The following MGAT4C variants were observed in gnomAD, a reference collection of about 807,000 sequenced individuals.
MGAT4C encodes MGAT4 family member C.
Under a neutral mutation model 40.1 loss-of-function variants are expected in MGAT4C, and 19 were observed. That is an observed-to-expected ratio of 0.47 (90% CI 0.33 to 0.70). MGAT4C has a LOEUF of 0.70. Ranked by LOEUF, MGAT4C falls within the 30% of genes least tolerant of loss-of-function variation. The pLI, the probability that MGAT4C is intolerant of heterozygous loss-of-function variation, is 0.02. For synonymous variants in MGAT4C, 181 were observed against 187.1 expected, an observed-to-expected ratio of 0.97 and a Z score of 0.27; for missense variants, 491 against 563.2, an observed-to-expected ratio of 0.87 and a Z score of 1.30.
chr12:86,150,790 C>T (rs981908919), intron 1 of MGAT4C, among the ~76,000 whole-genome samples: 4 of 152,114 alleles, frequency 2.6e-5, no homozygotes, highest in Non-Finnish European at 5.9e-5. Flanking sequence ...GTGCAAGGTG[C>T]AAGGAAGGAA....
At chr12:86,829,863 C>G (rs1448936321) in intron 1 of MGAT4C, among the ~76,000 whole-genome samples, 1 of 147,938 alleles carries the variant, frequency 6.8e-6, no homozygotes, top group East Asian at 2.0e-4. Context: ...TTTTTCTTAC[C>G]CAAAGACAGC....
intron 2 of MGAT4C, among the ~76,000 whole-genome samples, chr12:86,457,071 T>G (rs1159212616): frequency 6.6e-6 from 1 of 152,164 alleles, no homozygotes; most frequent in African/African-American, 2.4e-5. Flanking sequence ...ATGACAGTTA[T>G]CCAGTTGAGA....
At position 86,620,793 on chromosome 12, in the gene MGAT4C, T is replaced by C. The variant is rs563289899; in HGVS notation, c.-229+106416A>G. Among the ~76,000 whole-genome samples the C allele has an allele frequency of 5.3e-5, 8 of 152,240 alleles. No homozygotes were observed. The South Asian group carries it at 1.7e-3, about 32-fold the overall frequency. On this transcript the variant is annotated intron_variant, in intron 2 of 7. Transcript: ENST00000548651. ...TGGAGGCAGATTTTTCCCTTATTCT[T>C]CTTGTGGTAATGAATGAGTTCTCAT...
intron 1 of MGAT4C, among the ~76,000 whole-genome samples, chr12:86,190,873 T>C (rs1258499687): frequency 6.6e-6 from 1 of 151,976 alleles, no homozygotes; most frequent in East Asian, 1.9e-4. Flanking sequence ...CAGTCAAATG[T>C]TTTAAAAGCA....
intron 1 of MGAT4C, among the ~76,000 whole-genome samples, chr12:86,116,270 A>G (rs1195697753): frequency 6.6e-6 from 1 of 151,938 alleles, no homozygotes; most frequent in Non-Finnish European, 1.5e-5. Flanking sequence ...TTATGCATTA[A>G]CGGGCACTCT....
chr12:86,461,179 A>G (rs945789490), intron 2 of MGAT4C, among the ~76,000 whole-genome samples: 3 of 151,998 alleles, frequency 2.0e-5, no homozygotes, highest in African/African-American at 7.2e-5. Context: ...TTTTTGCAAT[A>G]AATTCCAATG....
intron 2 of MGAT4C, among the ~76,000 whole-genome samples, chr12:86,444,110 T>G (rs2136281192): frequency 6.6e-6 from 1 of 152,350 alleles, no homozygotes; most frequent in Non-Finnish European, 1.5e-5. Context: ...ATTTATTTTC[T>G]CATTTTACAA....
chr12:86,642,470 T>C (rs370814568), intron 2 of MGAT4C, among the ~76,000 whole-genome samples: 30 of 151,948 alleles, frequency 2.0e-4, no homozygotes, highest in African/African-American at 6.7e-4. Context: ...ATACCCTGTG[T>C]TATGTTATAC....
intron 2 of MGAT4C, among the ~76,000 whole-genome samples, chr12:86,488,225 G>A (rs1958059937): frequency 6.6e-6 from 1 of 150,854 alleles, no homozygotes. Flanking sequence ...GATCAGCCTG[G>A]GCAACACAGT....
At chr12:86,272,045 CAT>C (rs80121780) in intron 4 of MGAT4C, among the ~76,000 whole-genome samples, 14,100 of 152,074 alleles carry the variant, frequency 0.093, 822 homozygotes, top group Middle Eastern at 0.22. Context: ...AGGGTATAAA[CAT>C]ACAGCAAGAT....
intron 1 of MGAT4C, among the ~76,000 whole-genome samples, chr12:86,802,100 T>C (rs150263172): frequency 4.6e-5 from 7 of 152,074 alleles, no homozygotes; most frequent in South Asian, 2.1e-4. Context: ...TAAAGTATAA[T>C]TGACACCTGT....
chr12:86,072,396 C>G (rs947748762), intron 1 of MGAT4C, among the ~76,000 whole-genome samples: 1 of 150,784 alleles, frequency 6.6e-6, no homozygotes, highest in South Asian at 2.1e-4. Flanking sequence ...TATTGTCATC[C>G]ACATGAAAGA....
At chr12:86,501,345 ATTTT>A (rs1441329189) in intron 2 of MGAT4C, among the ~76,000 whole-genome samples, 1 of 151,940 alleles carries the variant, frequency 6.6e-6, no homozygotes, top group Non-Finnish European at 1.5e-5. Flanking sequence ...ATTTTATTTT[ATTTT>A]AAGTTCTAAA....
chr12:86,103,667 C>A (rs1247936087), intron 1 of MGAT4C, among the ~76,000 whole-genome samples: 1 of 152,030 alleles, frequency 6.6e-6, no homozygotes, highest in East Asian at 1.9e-4. Context: ...AACTAATATA[C>A]CCTTGTGTCC....
chr12:86,298,242 T>C (rs1434392982), intron 4 of MGAT4C, among the ~76,000 whole-genome samples: 1 of 152,096 alleles, frequency 6.6e-6, no homozygotes, highest in African/African-American at 2.4e-5. Flanking sequence ...AAATGGTTAA[T>C]AAACATAAAA....
intron 1 of MGAT4C, among the ~76,000 whole-genome samples, chr12:86,203,014 CTGTGTGTG>C (rs10587166): frequency 0.068 from 10,093 of 147,394 alleles, 351 homozygotes; most frequent in Middle Eastern, 0.09. Context: ...TCACATTTTC[CTGTGTGTG>C]TGTGTGTGTG....
In MGAT4C at chr12:86,554,020, C is replaced by T. The variant is rs192911348; in HGVS notation, c.-228-118755G>A. Among the ~76,000 whole-genome samples, 717 of 152,068 alleles carry T rather than the reference C, an allele frequency of 4.7e-3. 4 individuals carry two copies. Among genetic ancestry groups the T allele is most frequent in the Non-Finnish European group, 6.2e-3 (423 of 67,972 alleles). On this transcript the variant is annotated intron_variant, in intron 2 of 7. Coordinates refer to the MGAT4C transcript ENST00000548651. ...TTTAATGAAACTCATATCTCAGAGACCTTATGTTTGTTTCTTCCTTTTTTT... is the reference window on the plus strand; with the variant it reads ...TTTAATGAAACTCATATCTCAGAGATCTTATGTTTGTTTCTTCCTTTTTTT...
intron 2 of MGAT4C, among the ~76,000 whole-genome samples, chr12:86,650,637 T>G (rs1963669819): frequency 1.3e-5 from 2 of 151,920 alleles, no homozygotes; most frequent in South Asian, 4.1e-4. Context: ...AATAGATGTC[T>G]GTATTACTAT....
upstream of MGAT4C, among the ~76,000 whole-genome samples, chr12:86,257,009 A>G (rs1592603162): frequency 5.3e-5 from 8 of 152,332 alleles, 1 homozygote; most frequent in South Asian, 1.7e-3. Flanking sequence ...AGTTTATTAC[A>G]TGATATTACA....
Sources: allele counts gnomAD v4.1 joint callset (sites outside exome capture counted in the v4.1 genomes callset), GRCh38; gene constraint gnomAD v4.1.1; transcripts MANE v1.5; gene names NCBI Gene and HGNC (gene_info 2026-07-23, HGNC 2026-07-21).